Variants in SSBP4 observed in about 807,000 individuals in gnomAD.
The protein encoded by SSBP4 is single stranded DNA binding protein 4.
SSBP4 carries 33 observed loss-of-function variants against 64.6 expected under a neutral mutation model. The observed-to-expected ratio is 0.51, with a 90% confidence interval of 0.39 to 0.68. The LOEUF is 0.68. SSBP4 is among the 30% of genes least tolerant of loss of function. The pLI is 0.00. For synonymous variants in SSBP4, 243 were observed against 224.0 expected (o/e 1.08, Z -0.76); for missense variants, 583 against 566.8 (o/e 1.03, Z -0.29).
At chr19:18,418,247 G>T (rs1255106376), upstream of SSBP4, among the ~76,000 whole-genome samples, 1 of 152,186 alleles carries the variant, frequency 6.6e-6, no homozygotes, top group Non-Finnish European at 1.5e-5. This position sits in a 1 kb window ranked among gnomAD's most constrained non-coding sequence, Gnocchi z 6.7. Context: ...ACACACGCGG[G>T]CTTGCCTAGG....
Position 18,427,910 on chromosome 19 carries a change from C to G in SSBP4, c.207C>G (p.Asp69Glu), listed in dbSNP as rs772535157. The part of the protein sequence containing the change: ...FLHSWWCVFW[D>E]LYCAAPDRRE... ...CTTTGGCCCACAGCGTCTTCTGGGA[C>G]CTGTACTGCGCGGCGCCTGACAGAA... is the stretch of plus-strand genomic sequence containing the variant. Residue 69 changes from aspartate to glutamate, a missense_variant, in exon 4 of 18, where the codon GAC becomes GAG. Asp to Glu is a conservative substitution (Grantham distance 45). Transcript: ENST00000270061. This position sits in a 1 kb window ranked among gnomAD's most constrained non-coding sequence, Gnocchi z 4.4. 1.9e-6 allele frequency: 3 copies of G among 1,613,782 alleles called. No homozygotes were observed. Among genetic ancestry groups the G allele is most frequent in the East Asian group, 4.5e-5 (2 of 44,882 alleles).
chr19:18,432,251 C>A, intron 10 of SSBP4, 37 bp downstream of exon 10: 1 of 1,603,100 alleles, frequency 6.2e-7, no homozygotes, highest in Non-Finnish European at 8.5e-7. Context: ...GTGCAGTTCG[C>A]AGGCCACCAC....
chr19:18,413,200 G>T, the SSBP4 span, among the ~76,000 whole-genome samples: 1 of 150,788 alleles, frequency 6.6e-6, no homozygotes, highest in African/African-American at 2.4e-5. Flanking sequence ...GGACGTGGGG[G>T]AGGGACGACG....
At chr19:18,433,353 G>C in intron 15 of SSBP4, 140 bp downstream of exon 15, 1 of 1,295,062 alleles carries the variant, frequency 7.7e-7, no homozygotes, top group Non-Finnish European at 1.1e-6. Context: ...CTCAGTGACA[G>C]GGGCTGCCCC....
the SSBP4 span, among the ~76,000 whole-genome samples, chr19:18,413,261 T>C: frequency 6.8e-6 from 1 of 146,294 alleles, no homozygotes; most frequent in Admixed American, 7.1e-5. Flanking sequence ...CGGCCAGGAG[T>C]GCAATGGCAC....
At chr19:18,417,755 C>T (rs555324955), upstream of SSBP4, among the ~76,000 whole-genome samples, 1 of 152,154 alleles carries the variant, frequency 6.6e-6, no homozygotes, top group African/African-American at 2.4e-5. The surrounding 1 kb of genome is among the most constrained non-coding windows in gnomAD (Gnocchi z 5.4). Context: ...TGGCGTCCCC[C>T]CTCCCGCGCC....
At chr19:18,416,951 C>CCCA (rs1972141162), upstream of SSBP4, among the ~76,000 whole-genome samples, 1 of 152,222 alleles carries the variant, frequency 6.6e-6, no homozygotes, top group East Asian at 1.9e-4. Context: ...TCCGCCAGCG[C>CCCA]CCAGGCTGTG....
chr19:18,434,489 TG>T lies in SSBP4; in HGVS notation c.*249del, dbSNP rs1020503857. ...TTTTGTCCCAGAGAGAAAGGCTCTTTGGGGGGCCCCTCTCCCCAGGACGTCA... is the reference window on the plus strand; with the variant it reads ...TTTTGTCCCAGAGAGAAAGGCTCTTTGGGGGCCCCTCTCCCCAGGACGTCA... On this transcript the variant is annotated 3_prime_UTR_variant, in exon 18 of 18. Coordinates refer to ENST00000270061, the MANE Select transcript of SSBP4 (RefSeq NM_032627.5). The T allele has an allele frequency of 2.4e-6, 2 of 833,898 alleles. No individual in the cohort carries two copies. The highest frequency in any genetic ancestry group is 3.4e-6 in the Non-Finnish European group (2 of 586,092). 51.7% of individuals were successfully genotyped at this position (833,898 alleles called of 1,614,324 possible).
At chr19:18,419,800 G>A in intron 1 of SSBP4, 93 bp downstream of exon 1, 2 of 965,850 alleles carry the variant, frequency 2.1e-6, no homozygotes, top group Non-Finnish European at 2.5e-6. Flanking sequence ...GGGCGCGGGC[G>A]GCGGGGAGCG....
chr19:18,434,393 T>C lies in SSBP4; in HGVS notation c.*147T>C, dbSNP rs1454408892. 7.3e-7 allele frequency: 1 copy of C among 1,375,468 alleles called. No individual in the cohort carries two copies. Among genetic ancestry groups the C allele is most frequent in the African/African-American group, 1.5e-5 (1 of 67,396 alleles). 85.2% of individuals were successfully genotyped at this position (1,375,468 alleles called of 1,614,324 possible). A position where few individuals can be genotyped will look rare whatever the true frequency, so the allele number is the denominator to read the frequency against. On this transcript the variant is annotated 3_prime_UTR_variant, in exon 18 of 18. Coordinates refer to ENST00000270061, the MANE Select transcript of SSBP4 (RefSeq NM_032627.5). ...CTGGGAGGCCCCACACGAAAGACTC[T>C]TACCATTTTATTAAAAACGCAAGGA...
Position 18,431,824 on chromosome 19 carries a change from T to A in SSBP4, c.527T>A (p.Leu176His). ...GCAGGCCTCCCTGGCTCCCAGCCCCTCCTCCCTGGCGCCATGGAGCCCTCC... is the reference window on the plus strand; with the variant it reads ...GCAGGCCTCCCTGGCTCCCAGCCCCACCTCCCTGGCGCCATGGAGCCCTCC... The part of the protein sequence containing the change: ...PPAGLPGSQP[L>H]LPGAMEPSPR... The change falls in exon 8 of 18, where the codon CTC becomes CAC. Residue 176 changes from leucine (L) to histidine (H), a missense_variant. Around this residue, in one of 5 missense-constraint regions of SSBP4, gnomAD observed 444 missense variants for 386.6 expected, o/e 1.15. Coordinates refer to ENST00000270061, the MANE Select transcript of SSBP4 (RefSeq NM_032627.5). The A allele has an allele frequency of 6.4e-7, 1 of 1,566,720 alleles. No individual in the cohort carries two copies. Among genetic ancestry groups the A allele is most frequent in the Non-Finnish European group, 8.7e-7 (1 of 1,154,820 alleles).
At chr19:18,404,290 C>T in the SSBP4 span, among the ~76,000 whole-genome samples, 3 of 151,952 alleles carry the variant, frequency 2.0e-5, no homozygotes, top group Non-Finnish European at 2.9e-5. Context: ...CAGAGACTTT[C>T]AGAGACATTC....
intron 4 of SSBP4, among the ~76,000 whole-genome samples, chr19:18,429,272 C>G (rs1360000450): frequency 2.6e-5 from 4 of 151,608 alleles, no homozygotes; most frequent in South Asian, 2.1e-4. Context: ...TCGCCCCTCC[C>G]CGGCTCCCTG....
chr19:18,407,540 C>T, the SSBP4 span, among the ~76,000 whole-genome samples: 285 of 152,090 alleles, frequency 1.9e-3, no homozygotes, highest in African/African-American at 6.6e-3. Flanking sequence ...CCTCAACCTC[C>T]CAAGTAGCTG....
the SSBP4 span, among the ~76,000 whole-genome samples, chr19:18,411,037 G>T: frequency 6.6e-6 from 1 of 151,732 alleles, no homozygotes; most frequent in Non-Finnish European, 1.5e-5. Context: ...CACTTTGGGA[G>T]GCCAAGGCAG....
chr19:18,432,121 C>A, intron 9 of SSBP4, 26 bp from the exon 10 acceptor site: 1 of 1,610,634 alleles, frequency 6.2e-7, no homozygotes, highest in South Asian at 1.1e-5. Context: ...CCCGGTCTAC[C>A]CCTCACAGCC....
At chr19:18,409,136 G>T in the SSBP4 span, among the ~76,000 whole-genome samples, 1 of 151,562 alleles carries the variant, frequency 6.6e-6, no homozygotes, top group Non-Finnish European at 1.5e-5. Flanking sequence ...TTATAAAGGA[G>T]ATTAGACAGT....
upstream of SSBP4, among the ~76,000 whole-genome samples, chr19:18,415,836 G>A (rs778604681): frequency 6.6e-6 from 1 of 151,940 alleles, no homozygotes; most frequent in African/African-American, 2.4e-5. Flanking sequence ...TCTCCTTAGG[G>A]CTCCTCCAGG....
chr19:18,432,455 TG>T, intron 10 of SSBP4, 103 bp from the exon 11 acceptor site: 2 of 1,470,926 alleles, frequency 1.4e-6, no homozygotes, highest in Non-Finnish European at 1.8e-6. Context: ...TGCTGCTCTG[TG>T]GTCGGTCTGG....
Sources: allele counts gnomAD v4.1 joint callset (sites outside exome capture counted in the v4.1 genomes callset), GRCh38; gene constraint gnomAD v4.1.1; regional missense constraint gnomAD v4.1.1; non-coding constraint Gnocchi (gnomAD v3.1); transcripts MANE v1.5; gene names NCBI Gene and HGNC (gene_info 2026-07-23, HGNC 2026-07-21).